Variants in RAB3IP observed in about 807,000 individuals in gnomAD.
RAB3IP encodes the protein rab-3A-interacting protein.
RAB3IP carries 36 observed loss-of-function variants against 59.1 expected under a neutral mutation model. That is an observed-to-expected ratio of 0.61 (90% CI 0.47 to 0.80). The LOEUF (loss-of-function observed/expected upper bound fraction) is 0.80. RAB3IP is among the 30% of genes least tolerant of loss of function. RAB3IP has a pLI of 0.00. For synonymous variants in RAB3IP, 207 were observed against 191.2 expected (o/e 1.08, Z -0.68); for missense variants, 511 against 536.0 (o/e 0.95, Z 0.46).
intron 3 of RAB3IP, among the ~76,000 whole-genome samples, chr12:69,763,673 T>C (rs914510319): frequency 6.6e-6 from 1 of 152,206 alleles, no homozygotes; most frequent in African/African-American, 2.4e-5. Context: ...CTGGATATAT[T>C]GTATAGTTCT....
chr12:69,754,342 GGCACACAC>G (rs1358972445), intron 1 of RAB3IP, among the ~76,000 whole-genome samples: 31 of 150,030 alleles, frequency 2.1e-4, no homozygotes, highest in Admixed American at 8.0e-4. Flanking sequence ...CAGATACACG[GGCACACAC>G]ACACACACAC....
intron 6 of RAB3IP, among the ~76,000 whole-genome samples, chr12:69,798,931 C>G (rs1258106974): frequency 6.6e-6 from 1 of 151,958 alleles, no homozygotes; most frequent in African/African-American, 2.4e-5. Context: ...TTATTAGAGC[C>G]AGGAGGTAAG....
At chr12:69,811,324 A>G (rs1340628877) in intron 8 of RAB3IP, among the ~76,000 whole-genome samples, 1 of 152,118 alleles carries the variant, frequency 6.6e-6, no homozygotes, top group Non-Finnish European at 1.5e-5. Context: ...AATATATACA[A>G]CAAACCCGCA....
chr12:69,789,834 A>G (rs71454250), intron 4 of RAB3IP, among the ~76,000 whole-genome samples: 81 of 152,324 alleles, frequency 5.3e-4, no homozygotes, highest in African/African-American at 1.7e-3. Context: ...ATAATAATAT[A>G]CATTATAATC....
At chr12:69,804,303 A>C (rs1878882713) in intron 8 of RAB3IP, among the ~76,000 whole-genome samples, 1 of 152,190 alleles carries the variant, frequency 6.6e-6, no homozygotes, top group Admixed American at 6.5e-5. Flanking sequence ...TCTTCTTTTG[A>C]CAAATGTCTG....
intron 1 of RAB3IP, among the ~76,000 whole-genome samples, chr12:69,743,211 AT>A (rs1296157245): frequency 6.6e-6 from 1 of 152,248 alleles, no homozygotes; most frequent in Non-Finnish European, 1.5e-5. Context: ...ATATGCCCAG[AT>A]AAAAGTAATA....
intron 6 of RAB3IP, among the ~76,000 whole-genome samples, chr12:69,798,365 G>T (rs1327688609): frequency 2.1e-5 from 3 of 145,996 alleles, no homozygotes; most frequent in Non-Finnish European, 3.0e-5. Flanking sequence ...ACTTTTTGAT[G>T]GGGTTGTTTG....
intron 1 of RAB3IP, chr12:69,739,450 G>A (rs957959782): frequency 4.1e-5 from 7 of 170,700 alleles, no homozygotes; most frequent in African/African-American, 1.2e-4. Flanking sequence ...CCGCGGTCGC[G>A]AAGAGGATGA....
Position 69,755,177 on chromosome 12 carries a change from C to G in RAB3IP, c.-25-207C>G, listed in dbSNP as rs78757108. ...GCTCACTGCAACCTGCATTTGGGCT[C>G]AAGCAATCCTCCCACCTCATCTTCC... On this transcript the variant is annotated intron_variant, in intron 1 of 10. Transcript: ENST00000247833. 2.0e-4 allele frequency among the ~76,000 whole-genome samples: 30 copies of G among 152,174 alleles called. No homozygotes were observed. The East Asian group carries it at 5.4e-3, about 27-fold the overall frequency.
At chr12:69,785,372 A>G (rs577151471) in intron 4 of RAB3IP, among the ~76,000 whole-genome samples, 11 of 152,304 alleles carry the variant, frequency 7.2e-5, no homozygotes, top group African/African-American at 2.4e-4. Context: ...ATACATATAC[A>G]TGTATAGAGA....
At chr12:69,798,095 C>A (rs1301601394) in intron 6 of RAB3IP, among the ~76,000 whole-genome samples, 2 of 152,228 alleles carry the variant, frequency 1.3e-5, no homozygotes, top group Non-Finnish European at 2.9e-5. Flanking sequence ...TGAGGAATCA[C>A]CACACTGACT....
rs1870237027 is a variant in RAB3IP at position 69,756,461 on chromosome 12, C to T, written c.308C>T (p.Thr103Ile). The change falls in exon 3 of 11, where the codon ACT (threonine) becomes ATT (isoleucine). Residue 103 changes from threonine (T) to isoleucine (I), a missense_variant. Transcript: ENST00000247833. ...ACCTCTGGAGTCACAGCTGGATTAA[C>T]TAAATTAACTACAAGAAAGGACAAC... ...CSTSGVTAGL[T>I]KLTTRKDNYN... is the part of the protein sequence containing the mutation. 1.2e-6 allele frequency: 2 copies of T among 1,613,918 alleles called. No homozygotes were observed. The highest frequency in any genetic ancestry group is 2.7e-5 in the African/African-American group (2 of 74,886).
At chr12:69,801,001 T>C (rs903466157) in intron 7 of RAB3IP, among the ~76,000 whole-genome samples, 4 of 152,198 alleles carry the variant, frequency 2.6e-5, no homozygotes, top group African/African-American at 4.8e-5. Flanking sequence ...TTTCACACTT[T>C]TGGTATGAAT....
chr12:69,802,469 A>G lies in RAB3IP; in HGVS notation c.1130+748A>G, dbSNP rs1350402578. 2.6e-5 allele frequency among the ~76,000 whole-genome samples: 4 copies of G among 152,346 alleles called. No homozygotes were observed. The East Asian group carries it at 7.7e-4, about 29-fold the overall frequency. Reference sequence around the variant, plus strand: ...CCATCCAGTCCTATAAGGAGGAATGACTGAAACCAACAGTGCTTAAAACAT... The same window carrying G: ...CCATCCAGTCCTATAAGGAGGAATGGCTGAAACCAACAGTGCTTAAAACAT... On this transcript the variant is annotated intron_variant, in intron 8 of 10. Coordinates refer to ENST00000247833, the MANE Select transcript of RAB3IP (RefSeq NM_022456.5).
intron 6 of RAB3IP, 62 bp downstream of exon 6, chr12:69,795,406 G>C: frequency 7.3e-7 from 1 of 1,375,482 alleles, no homozygotes; most frequent in Non-Finnish European, 1.0e-6. Flanking sequence ...CATCACTGAG[G>C]TGTCAGTTAT....
chr12:69,740,018 A>G, intron 1 of RAB3IP: 1 of 694,576 alleles, frequency 1.4e-6, no homozygotes, highest in Non-Finnish European at 2.5e-6. Context: ...GTCGGGTTAA[A>G]AGCCTTGTAA....
At chr12:69,806,580 T>TA (rs1036742620) in intron 8 of RAB3IP, among the ~76,000 whole-genome samples, 1 of 147,156 alleles carries the variant, frequency 6.8e-6, no homozygotes, top group Non-Finnish European at 1.5e-5. Flanking sequence ...GTTTTTTTTT[T>TA]TTTTTTTTTT....
At chr12:69,751,483 A>C (rs534862281) in intron 1 of RAB3IP, among the ~76,000 whole-genome samples, 1 of 152,222 alleles carries the variant, frequency 6.6e-6, no homozygotes, top group Non-Finnish European at 1.5e-5. Context: ...TTTTCATTGG[A>C]TAAACTTAGA....
rs1222216890 is a variant in RAB3IP, at chr12:69,818,591, A to G, written c.*3145A>G. The stretch of plus-strand genomic sequence containing the variant: ...AAATGTCTATTTTTAGGAAGGTGTA[A>G]TGTGTTCACAGAATGGGTGATTATT... On this transcript the variant is annotated 3_prime_UTR_variant, in exon 11 of 11. Transcript: ENST00000247833. 2 of 152,186 alleles carry G rather than the reference A, an allele frequency of 1.3e-5. No homozygotes were observed. The highest frequency in any genetic ancestry group is 2.9e-5 in the Non-Finnish European group (2 of 68,028). The allele number at this position is 152,186 out of a possible 1,614,324, so 9.4% of individuals were successfully genotyped here.
Sources: allele counts gnomAD v4.1 joint callset (sites outside exome capture counted in the v4.1 genomes callset), GRCh38; gene constraint gnomAD v4.1.1; transcripts MANE v1.5; gene names NCBI Gene and HGNC (gene_info 2026-07-23, HGNC 2026-07-21).